The following RPSA2 variants were observed in gnomAD, a reference collection of about 807,000 sequenced individuals.
RPSA2 encodes ribosomal protein SA 2, also known as small ribosomal subunit protein uS2B.
the RPSA2 span, among the ~76,000 whole-genome samples, chr19:23,852,134 G>A: frequency 6.6e-6 from 1 of 152,170 alleles, no homozygotes; most frequent in African/African-American, 2.4e-5. Flanking sequence ...CTAGACAACT[G>A]GGCAGTTTGG....
the RPSA2 span, among the ~76,000 whole-genome samples, chr19:23,778,376 C>A: frequency 1.3e-5 from 2 of 152,146 alleles, no homozygotes; most frequent in South Asian, 4.1e-4. Context: ...CCACGCCCAG[C>A]TAATTTTTTG....
chr19:23,777,213 A>G, the RPSA2 span, among the ~76,000 whole-genome samples: 35 of 152,128 alleles, frequency 2.3e-4, no homozygotes, highest in Non-Finnish European at 5.1e-4. Context: ...TACAACCAAA[A>G]AGAAAGTTTG....
the RPSA2 span, among the ~76,000 whole-genome samples, chr19:23,761,933 T>TCCTTCCTTCC: frequency 9.5e-5 from 4 of 41,994 alleles, no homozygotes; most frequent in Non-Finnish European, 1.5e-4. Context: ...TTTTTTTTTT[T>TCCTTCCTTCC]TTGAGATGGA....
At chr19:23,862,188 T>G in the RPSA2 span, among the ~76,000 whole-genome samples, 1 of 152,208 alleles carries the variant, frequency 6.6e-6, no homozygotes, top group Non-Finnish European at 1.5e-5. Flanking sequence ...TGTCTGTTAT[T>G]GGTGTATAGG....
At chr19:23,831,125 G>A in the RPSA2 span, among the ~76,000 whole-genome samples, 1 of 151,664 alleles carries the variant, frequency 6.6e-6, no homozygotes, top group Non-Finnish European at 1.5e-5. Context: ...TTTGGTCTCA[G>A]CTGACTCAAA....
the RPSA2 span, among the ~76,000 whole-genome samples, chr19:23,766,031 CAT>C: frequency 6.6e-6 from 1 of 151,286 alleles, no homozygotes; most frequent in African/African-American, 2.4e-5. Context: ...CTGCCACTAA[CAT>C]AGCAGTGGGA....
chr19:23,815,023 A>T, the RPSA2 span, among the ~76,000 whole-genome samples: 1 of 152,070 alleles, frequency 6.6e-6, no homozygotes, highest in South Asian at 2.1e-4. Context: ...TTCTTTGATT[A>T]TTTGTAGGGA....
chr19:23,834,196 C>T, the RPSA2 span, among the ~76,000 whole-genome samples: 1 of 151,956 alleles, frequency 6.6e-6, no homozygotes, highest in Non-Finnish European at 1.5e-5. Flanking sequence ...TTGTATATAA[C>T]TTTAAAAGAA....
At chr19:23,827,787 A>T in the RPSA2 span, 4 of 1,588,622 alleles carry the variant, frequency 2.5e-6, no homozygotes, top group Non-Finnish European at 3.4e-6. Context: ...GATCCTGAAG[A>T]GATTGAAAAA....
the RPSA2 span, chr19:23,832,173 C>A: frequency 2.4e-6 from 1 of 415,882 alleles, no homozygotes; most frequent in South Asian, 1.9e-5. Context: ...TTTGCCAGCC[C>A]TCAACCCTAA....
the RPSA2 span, among the ~76,000 whole-genome samples, chr19:23,850,472 G>C: frequency 2.0e-4 from 29 of 146,794 alleles, no homozygotes; most frequent in Admixed American, 1.9e-3. Flanking sequence ...GATTGAACCA[G>C]ACCCATTTTG....
the RPSA2 span, among the ~76,000 whole-genome samples, chr19:23,771,420 C>T: frequency 6.6e-6 from 1 of 152,292 alleles, no homozygotes; most frequent in East Asian, 1.9e-4. Flanking sequence ...CATTCATGTA[C>T]TTATACCCAA....
the RPSA2 span, among the ~76,000 whole-genome samples, chr19:23,816,246 A>G: frequency 6.6e-6 from 1 of 151,990 alleles, no homozygotes; most frequent in South Asian, 2.1e-4. Flanking sequence ...AGATTCTCTC[A>G]TTTCAGCCTC....
chr19:23,781,067 C>T, the RPSA2 span, among the ~76,000 whole-genome samples: 1 of 152,240 alleles, frequency 6.6e-6, no homozygotes, highest in East Asian at 1.9e-4. Flanking sequence ...CTCCACCTAC[C>T]AGGTTCAAGC....
At chr19:23,800,520 C>T in the RPSA2 span, among the ~76,000 whole-genome samples, 1 of 152,320 alleles carries the variant, frequency 6.6e-6, no homozygotes, top group South Asian at 2.1e-4. Flanking sequence ...TGCATACTGT[C>T]ACCTAAATAT....
the RPSA2 span, among the ~76,000 whole-genome samples, chr19:23,833,543 A>C: frequency 2.6e-5 from 4 of 152,254 alleles, no homozygotes; most frequent in East Asian, 7.7e-4. Flanking sequence ...CATACTGGAG[A>C]TAACTATCAG....
At chr19:23,798,387 A>C in the RPSA2 span, among the ~76,000 whole-genome samples, 5 of 152,306 alleles carry the variant, frequency 3.3e-5, no homozygotes, top group Admixed American at 3.3e-4. Context: ...GTATATTGTC[A>C]TACCTTGGTT....
the RPSA2 span, among the ~76,000 whole-genome samples, chr19:23,837,616 T>C: frequency 6.6e-6 from 1 of 152,326 alleles, no homozygotes; most frequent in South Asian, 2.1e-4. Flanking sequence ...TTCCATTTGT[T>C]TGTGTCGTCT....
the RPSA2 span, chr19:23,832,348 CT>C: frequency 2.1e-6 from 1 of 483,216 alleles, no homozygotes; most frequent in Non-Finnish European, 4.2e-6. Context: ...GTCCTCAGGC[CT>C]TACTGAACAT....
Sources: gnomAD v4.1 joint callset for allele counts (sites outside exome capture counted in the v4.1 genomes callset) on GRCh38, gnomAD v4.1.1 for gene constraint, MANE v1.5 for transcripts, NCBI Gene and HGNC (gene_info 2026-07-23, HGNC 2026-07-21) for gene names.